The following STXBP4 variants were observed in gnomAD, a reference collection of about 807,000 sequenced individuals.
STXBP4 encodes the protein syntaxin binding protein 4.
In STXBP4, 55 loss-of-function variants were observed where a neutral mutation model predicts 76.1. That is an observed-to-expected ratio of 0.72 (90% CI 0.58 to 0.91). The LOEUF is 0.91. Among genes scored for constraint, STXBP4 ranks in the 40% least tolerant of loss-of-function variants. STXBP4 has a pLI of 0.00. For synonymous variants in STXBP4, 201 were observed against 220.2 expected (o/e 0.91, Z 0.77); for missense variants, 618 against 636.9 (o/e 0.97, Z 0.32).
chr17:55,106,111 A>G (rs1245667638), intron 16 of STXBP4, among the ~76,000 whole-genome samples: 1 of 152,112 alleles, frequency 6.6e-6, no homozygotes. Flanking sequence ...GTAGGTCTCT[A>G]AGAACTTGCT....
intron 12 of STXBP4, among the ~76,000 whole-genome samples, chr17:55,067,129 A>G (rs767513858): frequency 6.6e-6 from 1 of 152,186 alleles, no homozygotes; most frequent in Non-Finnish European, 1.5e-5. Context: ...ATTTTATGTT[A>G]AGTAGAGTAC....
chr17:55,100,624 G>C (rs2079551988), intron 16 of STXBP4, among the ~76,000 whole-genome samples: 2 of 152,172 alleles, frequency 1.3e-5, no homozygotes, highest in Admixed American at 6.5e-5. Context: ...TAATGACAAA[G>C]TAGAAGACTT....
Position 55,154,830 on chromosome 17 carries a change from T to G in STXBP4, c.1548-4967T>G, listed in dbSNP as rs79172904. Among the ~76,000 whole-genome samples the G allele has an allele frequency of 6.5e-3, 997 of 152,238 alleles. 13 individuals carry two copies. Among genetic ancestry groups the G allele is most frequent in the African/African-American group, 0.023 (959 of 41,570 alleles). On this transcript the variant is annotated intron_variant, in intron 17 of 17. Transcript: ENST00000376352. The stretch of plus-strand genomic sequence containing the variant: ...ATATATTACAATAGCTTTAGATTCT[T>G]ATAATATGATTTGATAGCTCAGACC...
At chr17:55,108,046 C>T (rs187402139) in intron 16 of STXBP4, among the ~76,000 whole-genome samples, 8 of 152,308 alleles carry the variant, frequency 5.3e-5, no homozygotes, top group African/African-American at 1.9e-4. Flanking sequence ...GGTGCTGTGT[C>T]CCAGGGAGAT....
intron 8 of STXBP4, among the ~76,000 whole-genome samples, chr17:55,025,516 T>TA (rs1315237392): frequency 2.0e-5 from 3 of 152,178 alleles, no homozygotes; most frequent in Non-Finnish European, 4.4e-5. Flanking sequence ...TAAAAGCAGA[T>TA]ACTTGATTTT....
chr17:55,190,770 C>T, the STXBP4 span, among the ~76,000 whole-genome samples: 48 of 152,152 alleles, frequency 3.2e-4, no homozygotes, highest in Non-Finnish European at 5.1e-4. Context: ...ACCTGCAGTG[C>T]CAGCTGGTAT....
chr17:54,985,330 AAACAACAAC>A (rs367752984), intron 1 of STXBP4, among the ~76,000 whole-genome samples: 2 of 152,044 alleles, frequency 1.3e-5, no homozygotes, highest in Non-Finnish European at 2.9e-5. Flanking sequence ...AGGAGAAGAA[AAACAACAAC>A]AACAACAACA....
intron 16 of STXBP4, among the ~76,000 whole-genome samples, chr17:55,140,966 G>A (rs755775330): frequency 2.0e-5 from 3 of 152,148 alleles, no homozygotes; most frequent in Non-Finnish European, 2.9e-5. Context: ...GACAAGCAGA[G>A]GCCATCTTGT....
intron 11 of STXBP4, chr17:55,043,673 G>A: frequency 6.5e-7 from 1 of 1,548,134 alleles, no homozygotes; most frequent in South Asian, 1.2e-5. Flanking sequence ...TGGATCCTGT[G>A]AGTTCTTTGG....
At chr17:55,077,602 C>G (rs1045097181) in intron 13 of STXBP4, among the ~76,000 whole-genome samples, 6 of 152,010 alleles carry the variant, frequency 3.9e-5, no homozygotes, top group African/African-American at 1.2e-4. Flanking sequence ...CTTCAGTGCT[C>G]TCTTACCCCA....
chr17:55,081,912 T>C (rs2628301), intron 16 of STXBP4, among the ~76,000 whole-genome samples: 120,955 of 152,120 alleles, frequency 0.8, 48,692 homozygotes, highest in African/African-American at 0.91. Flanking sequence ...ACTTAAATGA[T>C]TGGACATTTT....
At chr17:55,139,840 C>T (rs978988129) in intron 16 of STXBP4, among the ~76,000 whole-genome samples, 1 of 152,108 alleles carries the variant, frequency 6.6e-6, no homozygotes, top group Non-Finnish European at 1.5e-5. Context: ...GAAATAGTTA[C>T]AGAATTTTTG....
chr17:55,133,255 A>G (rs1234239351), intron 16 of STXBP4, among the ~76,000 whole-genome samples: 12 of 152,138 alleles, frequency 7.9e-5, no homozygotes, highest in Non-Finnish European at 4.4e-5. Context: ...TATGGGATGT[A>G]AAAGAATGAA....
At chr17:55,159,251 C>CATAA (rs758430026) in intron 17 of STXBP4, among the ~76,000 whole-genome samples, 3,342 of 151,866 alleles carry the variant, frequency 0.022, 86 homozygotes, top group African/African-American at 0.064. Flanking sequence ...GTCTCAAATA[C>CATAA]ATAAATAAAT....
the STXBP4 span, among the ~76,000 whole-genome samples, chr17:55,192,066 A>G: frequency 5.9e-5 from 9 of 152,210 alleles, no homozygotes; most frequent in East Asian, 1.3e-3. Flanking sequence ...GGATTGTGCT[A>G]TATAAGTTTG....
At chr17:55,101,206 G>A (rs1261934425) in intron 16 of STXBP4, among the ~76,000 whole-genome samples, 1 of 152,128 alleles carries the variant, frequency 6.6e-6, no homozygotes, top group African/African-American at 2.4e-5. Context: ...ACAGTGGCAA[G>A]GCTAGAATTT....
At chr17:55,202,490 T>C in the STXBP4 span, among the ~76,000 whole-genome samples, 8 of 152,026 alleles carry the variant, frequency 5.3e-5, no homozygotes. Flanking sequence ...TGTGAAAACC[T>C]AACCAGTATG....
At chr17:54,999,257 C>T (rs1037503071) in intron 4 of STXBP4, 88 bp from the exon 5 acceptor site, 44 of 1,090,008 alleles carry the variant, frequency 4.0e-5, no homozygotes, top group African/African-American at 1.1e-4. Flanking sequence ...GCATTCTTCA[C>T]GAAAACTTTT....
chr17:55,211,022 C>T, the STXBP4 span, among the ~76,000 whole-genome samples: 3,452 of 152,202 alleles, frequency 0.023, 60 homozygotes, highest in Non-Finnish European at 0.036. Context: ...TGTCTTTAAA[C>T]TCTTAGAAAT....
Sources: allele counts gnomAD v4.1 joint callset (sites outside exome capture counted in the v4.1 genomes callset), GRCh38; gene constraint gnomAD v4.1.1; transcripts MANE v1.5; gene names NCBI Gene and HGNC (gene_info 2026-07-23, HGNC 2026-07-21).